Variants in TBXAS1 observed in about 807,000 individuals in gnomAD.
TBXAS1 encodes the protein thromboxane-A synthase.
Under a neutral mutation model 60.7 loss-of-function variants are expected in TBXAS1, and 48 were observed. The observed-to-expected ratio is 0.79, with a 90% CI of 0.63 to 1.01. The LOEUF (loss-of-function observed/expected upper bound fraction) is 1.01. Ranked by LOEUF, TBXAS1 falls within the 50% of genes least tolerant of loss-of-function variation. The probability of loss-of-function intolerance (pLI) is 0.00; values close to 1 mark genes in which losing one functional copy is unlikely to be tolerated. For synonymous variants in TBXAS1, 287 were observed against 269.7 expected (o/e 1.06, Z -0.63); for missense variants, 685 against 686.3 (o/e 1.00, Z 0.02).
intron 9 of TBXAS1, among the ~76,000 whole-genome samples, chr7:139,988,086 A>G (rs987503463): frequency 2.0e-4 from 30 of 152,276 alleles, no homozygotes; most frequent in African/African-American, 7.2e-4. Flanking sequence ...CTGTCCCAGC[A>G]GGACGCCAGG....
intron 10 of TBXAS1, 29 bp from the exon 11 acceptor site, chr7:140,015,694 A>G (rs1389208329): frequency 2.2e-5 from 35 of 1,611,492 alleles, no homozygotes; most frequent in Non-Finnish European, 2.9e-5. Flanking sequence ...TCTTCTCTGT[A>G]TCCACCCCCG....
intron 9 of TBXAS1, among the ~76,000 whole-genome samples, chr7:139,993,640 A>G (rs1813081467): frequency 6.6e-6 from 1 of 152,122 alleles, no homozygotes; most frequent in Non-Finnish European, 1.5e-5. Context: ...AATCCCATCT[A>G]GCTATGGGAT....
intron 10 of TBXAS1, among the ~76,000 whole-genome samples, chr7:140,008,313 A>C (rs574973619): frequency 1.3e-5 from 2 of 152,318 alleles, no homozygotes; most frequent in Non-Finnish European, 2.9e-5. Flanking sequence ...TTTGGGTCTC[A>C]GTGTGGAAGC....
intron 3 of TBXAS1, among the ~76,000 whole-genome samples, chr7:139,895,412 G>A (rs952104920): frequency 2.0e-5 from 3 of 152,230 alleles, no homozygotes; most frequent in African/African-American, 7.2e-5. Context: ...TGAGGGGCAA[G>A]ATGTTTACTA....
chr7:139,861,288 C>T (rs139050198), intron 1 of TBXAS1, among the ~76,000 whole-genome samples: 2,027 of 151,992 alleles, frequency 0.013, 49 homozygotes, highest in African/African-American at 0.045. Context: ...GGCTGGAGTG[C>T]AGTGGTGCGA....
chr7:139,811,712 C>T (rs1234444922), intron 4 of TBXAS1, among the ~76,000 whole-genome samples: 2 of 152,172 alleles, frequency 1.3e-5, no homozygotes, highest in African/African-American at 4.8e-5. Flanking sequence ...AGAAAATGAC[C>T]TTTGGTGAGG....
intron 3 of TBXAS1, among the ~76,000 whole-genome samples, chr7:139,786,944 G>C (rs1320559015): frequency 6.6e-6 from 1 of 152,160 alleles, no homozygotes; most frequent in Admixed American, 6.5e-5. Flanking sequence ...AAGTAAACTG[G>C]CTTTGGAACC....
chr7:139,808,067 T>C (rs1188858502), intron 4 of TBXAS1, among the ~76,000 whole-genome samples: 1 of 151,954 alleles, frequency 6.6e-6, no homozygotes, highest in Non-Finnish European at 1.5e-5. Context: ...TGTGGTAGCT[T>C]ATACCTGTAA....
Position 139,829,370 on chromosome 7 carries a change from C to G in TBXAS1, c.-21C>G, listed in dbSNP as rs376526095. ...TCCTGTCTCATCTGGAAGACCACCA[C>G]TCTGGGGTCTCAGAGGAATGATGGA... On this transcript the variant is annotated 5_prime_UTR_variant, in exon 1 of 13. Transcript: ENST00000448866. 5.6e-6 allele frequency: 9 copies of G among 1,609,622 alleles called. No homozygotes were observed. In the African/African-American group the frequency reaches 1.2e-4, roughly 22 times the overall value.
At chr7:139,972,235 ATGTGGTGTCTTTC>A (rs1365648558) in intron 9 of TBXAS1, among the ~76,000 whole-genome samples, 9 of 152,222 alleles carry the variant, frequency 5.9e-5, no homozygotes, top group Non-Finnish European at 1.3e-4. Flanking sequence ...ATCAGCATGT[ATGTGGTGTCTTTC>A]ATGTAGCAAA....
upstream of TBXAS1, among the ~76,000 whole-genome samples, chr7:139,826,178 C>T (rs1211022425): frequency 6.6e-6 from 1 of 152,076 alleles, no homozygotes; most frequent in African/African-American, 2.4e-5. Context: ...TGTGGCTGAA[C>T]ATGGATTATT....
intron 3 of TBXAS1, among the ~76,000 whole-genome samples, chr7:139,783,856 T>C (rs1797080420): frequency 6.6e-6 from 1 of 152,138 alleles, no homozygotes; most frequent in African/African-American, 2.4e-5. Context: ...TGCCAGTGGC[T>C]TCTTAGATTG....
chr7:139,966,254 A>G (rs1167861910), intron 9 of TBXAS1, among the ~76,000 whole-genome samples: 1 of 152,166 alleles, frequency 6.6e-6, no homozygotes, highest in East Asian at 1.9e-4. Flanking sequence ...CTTTCATAGC[A>G]ATGCACCATG....
intron 1 of TBXAS1, among the ~76,000 whole-genome samples, chr7:139,853,163 A>T (rs1800343334): frequency 6.6e-6 from 1 of 152,198 alleles, no homozygotes; most frequent in African/African-American, 2.4e-5. Flanking sequence ...CTGTTGACTT[A>T]GTGGCTAATC....
intron 4 of TBXAS1, among the ~76,000 whole-genome samples, chr7:139,935,914 G>A (rs969023944): frequency 6.6e-6 from 1 of 152,208 alleles, no homozygotes; most frequent in Non-Finnish European, 1.5e-5. Context: ...AGAACACACA[G>A]AAGCCATTGA....
At chr7:139,963,546 A>AC (rs1415725679) in intron 9 of TBXAS1, among the ~76,000 whole-genome samples, 2 of 152,080 alleles carry the variant, frequency 1.3e-5, no homozygotes, top group African/African-American at 4.8e-5. Flanking sequence ...TAACCCTGCC[A>AC]CCCATCTTAT....
At chr7:139,972,817 C>T (rs911168438) in intron 9 of TBXAS1, among the ~76,000 whole-genome samples, 9 of 152,106 alleles carry the variant, frequency 5.9e-5, no homozygotes, top group African/African-American at 1.7e-4. Context: ...AAGCCTCGTC[C>T]GCTGGGTACC....
In TBXAS1 at chr7:139,955,461, G is replaced by A; in HGVS notation, c.542G>A (p.Cys181Tyr). Residue 181 changes from cysteine to tyrosine, a missense_variant and splice_region_variant, in exon 7 of 13, where the codon TGC (cysteine) becomes TAC (tyrosine). Coordinates refer to ENST00000448866, the MANE Select transcript of TBXAS1 (RefSeq NM_001061.7). ...ESGDAFDIQR[C>Y]YCNYTTDVVA... Reference sequence around the variant, plus strand: ...CTCTGTGCTCCCATCTCCCGTAGGTGCTACTGCAATTACACCACAGATGTG... The same window carrying A: ...CTCTGTGCTCCCATCTCCCGTAGGTACTACTGCAATTACACCACAGATGTG... The A allele has an allele frequency of 6.2e-7, 1 of 1,614,180 alleles. No homozygotes were observed. Among genetic ancestry groups the A allele is most frequent in the Non-Finnish European group, 8.5e-7 (1 of 1,180,024 alleles).
intron 9 of TBXAS1, among the ~76,000 whole-genome samples, chr7:139,966,985 G>A (rs968148670): frequency 2.0e-5 from 3 of 152,150 alleles, no homozygotes; most frequent in Non-Finnish European, 1.5e-5. Context: ...GGCTTCTGAC[G>A]TGGGGTAGAT....
Sources: gnomAD v4.1 joint callset for allele counts (sites outside exome capture counted in the v4.1 genomes callset) on GRCh38, gnomAD v4.1.1 for gene constraint, MANE v1.5 for transcripts, NCBI Gene and HGNC (gene_info 2026-07-23, HGNC 2026-07-21) for gene names.